STAM2: variants seen among roughly 807,000 people sequenced by gnomAD.
STAM2 encodes the protein signal transducing adaptor molecule 2, also known as signal transducing adapter molecule 2.
A neutral mutation model predicts 65.6 loss-of-function variants in STAM2; 51 were observed. That is an observed-to-expected ratio of 0.78 (90% CI 0.62 to 0.98). The LOEUF is 0.98. Among genes scored for constraint, STAM2 ranks in the 50% least tolerant of loss-of-function variants. STAM2 has a pLI of 0.00. For missense variants in STAM2, 584 were observed against 617.8 expected (o/e 0.95, Z 0.58); for synonymous variants, 198 against 208.4 (o/e 0.95, Z 0.43).
In STAM2 at chr2:152,134,070, A is replaced by C. The variant is rs190324595; in HGVS notation, c.800-586T>G. Among the ~76,000 whole-genome samples the C allele has an allele frequency of 5.4e-4, 82 of 151,842 alleles. No individual in the cohort carries two copies. The East Asian group carries it at 0.011, about 20-fold the overall frequency. ...GAGAAGGTTGAAAAAAAACTTACAA[A>C]TACATAAACCCAGAAAACTATTTAA... On this transcript the variant is annotated intron_variant, in intron 8 of 13. Coordinates refer to ENST00000263904, the MANE Select transcript of STAM2 (RefSeq NM_005843.6).
At chr2:152,161,527 AC>A (rs1689680075) in intron 1 of STAM2, among the ~76,000 whole-genome samples, 1 of 150,890 alleles carries the variant, frequency 6.6e-6, no homozygotes, top group Admixed American at 6.6e-5. Context: ...CATTATATAT[AC>A]TTACTAGGTT....
chr2:152,150,305 G>T, intron 1 of STAM2, 76 bp from the exon 2 acceptor site: 1 of 937,450 alleles, frequency 1.1e-6, no homozygotes, highest in Non-Finnish European at 1.7e-6. Flanking sequence ...AGGTCCAACA[G>T]TTAAGAAATC....
chr2:152,118,446 T>TATATATATATATA lies in STAM2; in HGVS notation c.*2127_*2128insTATATATATATAT, dbSNP rs1560206925. 4.7e-4 allele frequency: 68 copies of TATATATATATATA among 144,874 alleles called. No individual in the cohort carries two copies. The highest frequency in any genetic ancestry group is 1.3e-3 in the African/African-American group (49 of 38,908). 9.0% of individuals were successfully genotyped at this position (144,874 alleles called of 1,614,324 possible). ...CGATGTGCCAATATATACTATATAT[T>TATATATATATATA]TATATATATATATATGTGTCATGTT... On this transcript the variant is annotated 3_prime_UTR_variant, in exon 14 of 14. Transcript: ENST00000263904.
chr2:152,150,072 A>T, intron 2 of STAM2, 73 bp downstream of exon 2: 1 of 1,027,216 alleles, frequency 9.7e-7, no homozygotes, highest in Non-Finnish European at 1.5e-6. Flanking sequence ...TTTTCCTCTC[A>T]AAGTTACATC....
At chr2:152,146,980 T>C (rs2105548070) in intron 5 of STAM2, among the ~76,000 whole-genome samples, 182 bp downstream of exon 5, 1 of 152,306 alleles carries the variant, frequency 6.6e-6, no homozygotes, top group South Asian at 2.1e-4. Context: ...TTCTGATATG[T>C]GGAAGAAATA....
chr2:152,144,719 A>G (rs1689307758), intron 6 of STAM2, 169 bp downstream of exon 6: 2 of 501,698 alleles, frequency 4.0e-6, no homozygotes, highest in African/African-American at 4.0e-5. Flanking sequence ...TTGTACTTTT[A>G]GTAGAGATGG....
At position 152,126,263 on chromosome 2, in the gene STAM2, G is replaced by A. The variant is rs1389604989; in HGVS notation, c.1142C>T (p.Ala381Val). 1 of 1,610,966 alleles carries A rather than the reference G, an allele frequency of 6.2e-7. No homozygotes were observed. The highest frequency in any genetic ancestry group is 1.1e-5 in the South Asian group (1 of 90,680). ...CCCAGATGATGCAGGTGGGTAATGT[G>A]CTGGAGGGTGGAGCTTTGAATAGAC... is the stretch of plus-strand genomic sequence containing the variant. ...YSVYSKLHPP[A>V]HYPPASSGVP... Residue 381 changes from alanine (A) to valine (V), a missense_variant, in exon 12 of 14, where the codon GCA becomes GTA. Transcript: ENST00000263904.
rs1162441884 is a variant in STAM2 at position 152,118,460 on chromosome 2, A to ATATATATATATATATATG, written c.*2113_*2114insCATATATATATATATATA. 1 of 149,132 alleles carries ATATATATATATATATATG rather than the reference A, an allele frequency of 6.7e-6. No homozygotes were observed. The highest frequency in any genetic ancestry group is 2.5e-5 in the African/African-American group (1 of 40,674). 9.2% of individuals were successfully genotyped at this position (149,132 alleles called of 1,614,324 possible). A position where few individuals can be genotyped will look rare whatever the true frequency, so the allele number is the denominator to read the frequency against. ...ATACTATATATTTATATATATATAT[A>ATATATATATATATATATG]TGTGTCATGTTTTATTATTCTAAAA... is the stretch of plus-strand genomic sequence containing the variant. On this transcript the variant is annotated 3_prime_UTR_variant, in exon 14 of 14. Transcript: ENST00000263904.
At chr2:152,169,672 T>C (rs1356109018) in intron 1 of STAM2, among the ~76,000 whole-genome samples, 1 of 152,188 alleles carries the variant, frequency 6.6e-6, no homozygotes, top group Non-Finnish European at 1.5e-5. Context: ...TCATCTTCAC[T>C]GGCAATGAAG....
Position 152,143,883 on chromosome 2 carries a change from A to T in STAM2, c.648T>A (p.Val216=). The change falls in exon 7 of 14, where the codon GTT becomes GTA. Residue 216 remains valine, a synonymous_variant. Transcript: ENST00000263904. ...KVRALYDFEA[V]EDNELTFKHG... ...GTTTAAAGGTGAGTTCATTGTCCTC[A>T]ACAGCTTCAAAATCATATAAAGCTC... 6.2e-7 allele frequency: 1 copy of T among 1,613,724 alleles called. No individual in the cohort carries two copies. The highest frequency in any genetic ancestry group is 8.5e-7 in the Non-Finnish European group (1 of 1,179,818).
intron 1 of STAM2, among the ~76,000 whole-genome samples, chr2:152,154,488 C>T (rs1689505673): frequency 6.6e-6 from 1 of 152,094 alleles, no homozygotes; most frequent in Non-Finnish European, 1.5e-5. Context: ...CGTGGTGGCA[C>T]GCGCCTGTAG....
chr2:152,154,552 A>T (rs1417222400), intron 1 of STAM2, among the ~76,000 whole-genome samples: 2 of 152,182 alleles, frequency 1.3e-5, no homozygotes, highest in Non-Finnish European at 2.9e-5. Context: ...TGGGAGGTCG[A>T]GGTTGCAGTG....
chr2:152,145,537 A>G (rs1689322935), intron 5 of STAM2, among the ~76,000 whole-genome samples: 1 of 152,366 alleles, frequency 6.6e-6, no homozygotes, highest in African/African-American at 2.4e-5. Flanking sequence ...AAATATTAAT[A>G]GAATTTAAAA....
rs192258438 is a variant in STAM2 at position 152,117,990 on chromosome 2, C to T, written c.*2584G>A. 2 of 152,038 alleles carry T rather than the reference C, an allele frequency of 1.3e-5. No individual in the cohort carries two copies. Among genetic ancestry groups the T allele is most frequent in the Non-Finnish European group, 2.9e-5 (2 of 67,970 alleles). 9.4% of individuals were successfully genotyped at this position (152,038 alleles called of 1,614,324 possible). A position where few individuals can be genotyped will look rare whatever the true frequency, so the allele number is the denominator to read the frequency against. ...GACAGTATTGGTTGACTACATTTTA[C>T]AAACTATAAGAATATATCCCACACT... On this transcript the variant is annotated 3_prime_UTR_variant, in exon 14 of 14. Transcript: ENST00000263904.
At chr2:152,149,219 G>T (rs927500970) in intron 2 of STAM2, among the ~76,000 whole-genome samples, 18 of 152,040 alleles carry the variant, frequency 1.2e-4, no homozygotes, top group African/African-American at 4.3e-4. Flanking sequence ...AGTCCCAGAG[G>T]AATTCCTTAA....
At chr2:152,149,498 T>C (rs1008238324) in intron 2 of STAM2, among the ~76,000 whole-genome samples, 2 of 58,816 alleles carry the variant, frequency 3.4e-5, no homozygotes, top group Non-Finnish European at 6.1e-5. Context: ...AGTCTACTCT[T>C]TTTTTTTTTT....
At chr2:152,163,612 A>G (rs1470771853) in intron 1 of STAM2, among the ~76,000 whole-genome samples, 1 of 152,222 alleles carries the variant, frequency 6.6e-6, no homozygotes, top group East Asian at 1.9e-4. Context: ...CCTGCGGGGT[A>G]GGGCAAAAAG....
rs527849794 is a variant in STAM2 at position 152,146,215 on chromosome 2, G to C, written c.447+947C>G. Among the ~76,000 whole-genome samples, 6 of 146,896 alleles carry C rather than the reference G, an allele frequency of 4.1e-5. No individual in the cohort carries two copies. In the South Asian group the frequency reaches 1.3e-3, roughly 31 times the overall value. Reference sequence around the variant, plus strand: ...AAACCCGGGAGACAGAGATTGCAGTGAGCTGAGGTTGTGCCACTGCACTCC... The same window carrying C: ...AAACCCGGGAGACAGAGATTGCAGTCAGCTGAGGTTGTGCCACTGCACTCC... On this transcript the variant is annotated intron_variant, in intron 5 of 13. Coordinates refer to ENST00000263904, the MANE Select transcript of STAM2 (RefSeq NM_005843.6).
intron 11 of STAM2, among the ~76,000 whole-genome samples, chr2:152,126,718 C>A (rs1469882090): frequency 2.6e-5 from 4 of 151,994 alleles, no homozygotes; most frequent in Non-Finnish European, 5.9e-5. Flanking sequence ...GCAAACCCCC[C>A]ACGTTTTCTG....
Sources: gnomAD v4.1 joint callset for allele counts (sites outside exome capture counted in the v4.1 genomes callset) on GRCh38, gnomAD v4.1.1 for gene constraint, MANE v1.5 for transcripts, NCBI Gene and HGNC (gene_info 2026-07-23, HGNC 2026-07-21) for gene names.